Variants in CACNA1D observed in about 807,000 individuals in gnomAD.
CACNA1D encodes the protein voltage-dependent L-type calcium channel subunit alpha-1D.
In CACNA1D, 55 loss-of-function variants were observed where a neutral mutation model predicts 257.1. The observed-to-expected ratio is 0.21, with a 90% CI of 0.17 to 0.27. The LOEUF (loss-of-function observed/expected upper bound fraction) is 0.27, where lower values mean the gene tolerates loss of function less well. Among genes scored for constraint, CACNA1D ranks in the 10% least tolerant of loss-of-function variants. CACNA1D has a pLI of 1.00. For synonymous variants in CACNA1D, 980 were observed against 1,014.9 expected, an observed-to-expected ratio of 0.97 and a Z score of 0.65; for missense variants, 1,876 against 2,784.0, an observed-to-expected ratio of 0.67 and a Z score of 7.34.
intron 8 of CACNA1D, among the ~76,000 whole-genome samples, chr3:53,692,964 A>G (rs774880582): frequency 2.6e-5 from 4 of 152,316 alleles, no homozygotes; most frequent in African/African-American, 4.8e-5. Flanking sequence ...AGGCTGAGGC[A>G]CAAGAATTGC....
Position 53,500,253 on chromosome 3 carries a change from T to TGAA in CACNA1D, c.378-1362_378-1361insGAA, listed in dbSNP as rs753287714. 2.7e-4 allele frequency among the ~76,000 whole-genome samples: 11 copies of TGAA among 40,948 alleles called. 1 individual carries two copies. Among genetic ancestry groups the TGAA allele is most frequent in the African/African-American group, 1.1e-3 (11 of 10,268 alleles). 26.9% of individuals were successfully genotyped at this position (40,948 alleles called of 152,430 possible). ...AACATGGCAAAACCCCTGTCTCTAC[T>TGAA]AAAAAAAAAAAAAAAAAAAAAAAAA... On this transcript the variant is annotated intron_variant, in intron 2 of 47. Coordinates refer to ENST00000350061, the MANE Select transcript of CACNA1D (RefSeq NM_001128840.3).
intron 45 of CACNA1D, 71 bp downstream of exon 45, chr3:53,805,217 T>C: frequency 6.9e-7 from 1 of 1,446,830 alleles, no homozygotes; most frequent in South Asian, 1.1e-5. Context: ...ACCCCCGCTC[T>C]GGGGGCCGGT....
At chr3:53,640,071 A>T (rs2093933516) in intron 3 of CACNA1D, among the ~76,000 whole-genome samples, 2 of 151,844 alleles carry the variant, frequency 1.3e-5, no homozygotes, top group Non-Finnish European at 2.9e-5. Flanking sequence ...GTGTTTGGCC[A>T]GGCTGGTCTT....
chr3:53,558,635 A>G (rs2092686232), intron 3 of CACNA1D, among the ~76,000 whole-genome samples: 2 of 152,182 alleles, frequency 1.3e-5, no homozygotes, highest in East Asian at 3.8e-4. Context: ...CTTGCTAGGT[A>G]AAGGATTATA....
chr3:53,668,967 G>C (rs2094296196), intron 7 of CACNA1D, among the ~76,000 whole-genome samples: 1 of 152,198 alleles, frequency 6.6e-6, no homozygotes, highest in Non-Finnish European at 1.5e-5. Flanking sequence ...CAGCAAGCTA[G>C]ATTTGGTCTG....
In CACNA1D at chr3:53,776,872, A is replaced by T; in HGVS notation, c.4503A>T (p.Lys1501Asn). 6.2e-7 allele frequency: 1 copy of T among 1,614,134 alleles called. No individual in the cohort carries two copies. Among genetic ancestry groups the T allele is most frequent in the Non-Finnish European group, 8.5e-7 (1 of 1,179,994 alleles). The change falls in exon 37 of 48, where the codon AAA (lysine) becomes AAT (asparagine). Residue 1501 changes from lysine (K) to asparagine (N), a missense_variant. Lys to Asn is a moderately conservative substitution (Grantham distance 94, BLOSUM62 0). Transcript: ENST00000350061. ...ATTTTACTTCCAGGGGAAGGATAAA[A>T]CACCTTGATGTGGTCACTCTGCTTC... ...EYDPEAKGRIKHLDVVTLLRR... is the reference protein window; with the variant it reads ...EYDPEAKGRINHLDVVTLLRR...
chr3:53,746,078 C>T (rs1486806170), intron 25 of CACNA1D, among the ~76,000 whole-genome samples: 3 of 152,052 alleles, frequency 2.0e-5, no homozygotes, highest in African/African-American at 7.3e-5. Context: ...AGTTCCTTAG[C>T]ATATAGTATC....
Position 53,813,170 on chromosome 3 carries a change from C to CT in CACNA1D, c.*1767dup, listed in dbSNP as rs1390250572. The CT allele has an allele frequency of 3.8e-5, 5 of 131,480 alleles. No homozygotes were observed. Among genetic ancestry groups the CT allele is most frequent in the Non-Finnish European group, 6.3e-5 (4 of 63,120 alleles). 8.1% of individuals were successfully genotyped at this position (131,480 alleles called of 1,614,324 possible). On this transcript the variant is annotated 3_prime_UTR_variant, in exon 48 of 48. Coordinates refer to ENST00000350061, the MANE Select transcript of CACNA1D (RefSeq NM_001128840.3). ...TTTTTTTTGTAAATAACAAACACCA[C>CT]TTTGTTATGAAGACCTTACAAACCT...
chr3:53,519,760 T>C (rs986148760), intron 3 of CACNA1D, among the ~76,000 whole-genome samples: 35 of 152,332 alleles, frequency 2.3e-4, no homozygotes, highest in African/African-American at 7.9e-4. Context: ...AACATTTTCA[T>C]CACCCAAAGA....
intron 30 of CACNA1D, among the ~76,000 whole-genome samples, chr3:53,764,748 G>T (rs2095323125): frequency 1.3e-5 from 2 of 152,230 alleles, no homozygotes; most frequent in South Asian, 4.1e-4. Context: ...GCACCAGTCA[G>T]GAAAGGGGCA....
chr3:53,733,923 T>A (rs1457317872), intron 19 of CACNA1D, among the ~76,000 whole-genome samples: 1 of 86,932 alleles, frequency 1.2e-5, no homozygotes, highest in African/African-American at 4.1e-5. Flanking sequence ...TGTGTGTGTG[T>A]GTGTGTTTGT....
At chr3:53,593,373 A>G (rs1192045082) in intron 3 of CACNA1D, among the ~76,000 whole-genome samples, 1 of 152,178 alleles carries the variant, frequency 6.6e-6, no homozygotes, top group Non-Finnish European at 1.5e-5. Flanking sequence ...TTCCCTGGGA[A>G]TTGTTTTAGG....
intron 3 of CACNA1D, among the ~76,000 whole-genome samples, chr3:53,600,484 T>C (rs751544927): frequency 2.0e-5 from 3 of 152,150 alleles, no homozygotes; most frequent in Middle Eastern, 3.2e-3. Context: ...TCACAACCCA[T>C]GAGATAGGAA....
At chr3:53,748,970 G>C in intron 26 of CACNA1D, 1 of 502,034 alleles carries the variant, frequency 2.0e-6, no homozygotes, top group Non-Finnish European at 3.7e-6. Flanking sequence ...TCTTACACGT[G>C]ATATTCTTCC....
At chr3:53,776,775 G>T in intron 36 of CACNA1D, 45 bp downstream of exon 36, 1 of 1,614,176 alleles carries the variant, frequency 6.2e-7, no homozygotes, top group Non-Finnish European at 8.5e-7. Flanking sequence ...GTGGATTTTG[G>T]AATGTCAGCT....
At chr3:53,681,582 AGTGGTGGGATGTAGGCACCAGGGTTACG>A (rs1415215780) in intron 8 of CACNA1D, among the ~76,000 whole-genome samples, 8 of 152,074 alleles carry the variant, frequency 5.3e-5, no homozygotes, top group East Asian at 1.9e-4. Flanking sequence ...CCAGGATTAC[AGTGGTGGGATGTAGGCACCAGGGTTACG>A]GTGGTGGGAT....
intron 8 of CACNA1D, among the ~76,000 whole-genome samples, chr3:53,678,498 T>C (rs534498031): frequency 6.6e-6 from 1 of 152,358 alleles, no homozygotes; most frequent in South Asian, 2.1e-4. Context: ...TTTGTATTAC[T>C]ATAGGCCTAT....
At chr3:53,644,261 G>C (rs190048119) in intron 3 of CACNA1D, among the ~76,000 whole-genome samples, 1 of 152,064 alleles carries the variant, frequency 6.6e-6, no homozygotes, top group Non-Finnish European at 1.5e-5. Flanking sequence ...CATACACTGC[G>C]GAATGGCTAA....
At chr3:53,799,702 G>T (rs2095526448) in intron 40 of CACNA1D, among the ~76,000 whole-genome samples, 2 of 152,358 alleles carry the variant, frequency 1.3e-5, no homozygotes, top group Admixed American at 1.3e-4. Flanking sequence ...GGTGGTTGCA[G>T]TGTGTTGTGT....
Sources: allele counts gnomAD v4.1 joint callset (sites outside exome capture counted in the v4.1 genomes callset), GRCh38; gene constraint gnomAD v4.1.1; transcripts MANE v1.5; gene names NCBI Gene and HGNC (gene_info 2026-07-23, HGNC 2026-07-21).